CYP4X1: variants seen among roughly 807,000 people sequenced by gnomAD.
CYP4X1 encodes cytochrome P450 4X1.
In CYP4X1, 44 loss-of-function variants were observed where a neutral mutation model predicts 57.9. That is an observed-to-expected ratio of 0.76 (90% CI 0.60 to 0.98). The LOEUF (loss-of-function observed/expected upper bound fraction) is 0.98. Ranked by LOEUF, CYP4X1 falls within the 50% of genes least tolerant of loss-of-function variation. CYP4X1 has a pLI of 0.00. For missense variants in CYP4X1, 532 were observed against 623.9 expected (o/e 0.85, Z 1.57); for synonymous variants, 227 against 228.6 (o/e 0.99, Z 0.06).
At chr1:46,967,022 C>T in the CYP4X1 span, among the ~76,000 whole-genome samples, 26 of 152,276 alleles carry the variant, frequency 1.7e-4, no homozygotes, top group African/African-American at 5.8e-4. Context: ...TACATGTTAA[C>T]TTGGACAGGC....
chr1:46,989,238 A>G, the CYP4X1 span, among the ~76,000 whole-genome samples: 11 of 152,202 alleles, frequency 7.2e-5, no homozygotes, highest in African/African-American at 1.2e-4. Flanking sequence ...AATCACAAGC[A>G]TTCCTACACA....
At chr1:47,019,676 T>C (rs1271188527), upstream of CYP4X1, among the ~76,000 whole-genome samples, 2 of 152,158 alleles carry the variant, frequency 1.3e-5, no homozygotes, top group African/African-American at 4.8e-5. Flanking sequence ...GTCTTACCAC[T>C]ACCTTCCCCA....
At chr1:47,053,220 A>T (rs1644370526), downstream of CYP4X1, among the ~76,000 whole-genome samples, 1 of 152,104 alleles carries the variant, frequency 6.6e-6, no homozygotes, top group African/African-American at 2.4e-5. Flanking sequence ...TTCCAGCTTC[A>T]TCCATGTCCC....
the CYP4X1 span, among the ~76,000 whole-genome samples, chr1:46,982,043 C>T: frequency 2.0e-5 from 3 of 151,998 alleles, no homozygotes; most frequent in South Asian, 2.1e-4. Flanking sequence ...TGACAAGTTA[C>T]TGGGTGCAGC....
chr1:47,042,656 T>C (rs1644259361), intron 8 of CYP4X1, among the ~76,000 whole-genome samples: 1 of 152,206 alleles, frequency 6.6e-6, no homozygotes, highest in East Asian at 1.9e-4. Context: ...ATCATTCTTA[T>C]GCCTTTGCAT....
At chr1:47,041,638 G>A (rs1644247643) in intron 8 of CYP4X1, among the ~76,000 whole-genome samples, 2 of 151,930 alleles carry the variant, frequency 1.3e-5, no homozygotes. Context: ...TTGTTTTCTT[G>A]CTTTTGAATT....
At chr1:47,010,974 T>C in the CYP4X1 span, among the ~76,000 whole-genome samples, 848 of 152,236 alleles carry the variant, frequency 5.6e-3, 6 homozygotes, top group African/African-American at 0.019. Context: ...TGAAAATGGC[T>C]ATACTGCCCA....
chr1:47,000,186 C>T, the CYP4X1 span, among the ~76,000 whole-genome samples: 1 of 152,074 alleles, frequency 6.6e-6, no homozygotes, highest in Non-Finnish European at 1.5e-5. Context: ...AGGTGTTTGG[C>T]AATTCCCTTT....
chr1:47,037,919 T>C (rs1644203160), intron 6 of CYP4X1, among the ~76,000 whole-genome samples: 1 of 152,172 alleles, frequency 6.6e-6, no homozygotes, highest in African/African-American at 2.4e-5. Context: ...TTTAAAAGTT[T>C]ATCTTTTCAA....
the CYP4X1 span, among the ~76,000 whole-genome samples, chr1:47,002,008 C>T: frequency 6.6e-6 from 1 of 152,218 alleles, no homozygotes; most frequent in South Asian, 2.1e-4. Context: ...CCTCTCTAAA[C>T]ATCCAGGCAG....
At chr1:46,994,858 T>G in the CYP4X1 span, among the ~76,000 whole-genome samples, 1 of 152,284 alleles carries the variant, frequency 6.6e-6, no homozygotes, top group East Asian at 1.9e-4. Flanking sequence ...CTTTAGGAAT[T>G]TATAGTCTAA....
chr1:47,051,181 A>T (rs150838703), downstream of CYP4X1, among the ~76,000 whole-genome samples: 1,124 of 152,322 alleles, frequency 7.4e-3, 9 homozygotes, highest in African/African-American at 0.025. Context: ...CCACAATGAG[A>T]TACCATCTCA....
the CYP4X1 span, among the ~76,000 whole-genome samples, chr1:46,984,394 A>C: frequency 5.9e-5 from 9 of 151,638 alleles, no homozygotes; most frequent in Non-Finnish European, 1.0e-4. Context: ...AAAAAAAAAA[A>C]AAAAAAACCA....
At chr1:47,037,821 A>C (rs1049723031) in intron 6 of CYP4X1, among the ~76,000 whole-genome samples, 24 of 152,320 alleles carry the variant, frequency 1.6e-4, no homozygotes, top group African/African-American at 5.5e-4. Context: ...TCAGAGATCT[A>C]AACTCCATTT....
At chr1:47,017,044 T>C in the CYP4X1 span, among the ~76,000 whole-genome samples, 1 of 152,246 alleles carries the variant, frequency 6.6e-6, no homozygotes, top group Non-Finnish European at 1.5e-5. Context: ...CATTCTTTTT[T>C]ATGGCTGAAT....
the CYP4X1 span, among the ~76,000 whole-genome samples, chr1:46,964,470 C>G: frequency 6.6e-6 from 1 of 152,206 alleles, no homozygotes; most frequent in African/African-American, 2.4e-5. Context: ...TCAGGACCCT[C>G]AGCTGCAGGT....
chr1:47,050,237 C>T lies in CYP4X1; in HGVS notation c.*63C>T. 3 of 1,570,772 alleles carry T rather than the reference C, an allele frequency of 1.9e-6. No individual in the cohort carries two copies. The highest frequency in any genetic ancestry group is 2.6e-6 in the Non-Finnish European group (3 of 1,148,606). ...GAAGTTAAATTTACAGCTAATGATC[C>T]AAGCAGATAGAAAGGGATCAATGTA... On this transcript the variant is annotated 3_prime_UTR_variant, in exon 12 of 12. Coordinates refer to ENST00000371901, the MANE Select transcript of CYP4X1 (RefSeq NM_178033.2).
the CYP4X1 span, among the ~76,000 whole-genome samples, chr1:46,982,331 A>G: frequency 6.6e-6 from 1 of 152,182 alleles, no homozygotes; most frequent in African/African-American, 2.4e-5. Flanking sequence ...CCAGGTTTTG[A>G]ATTCCGTGTC....
intron 4 of CYP4X1, among the ~76,000 whole-genome samples, chr1:47,033,903 C>T (rs1644150838): frequency 1.3e-5 from 2 of 152,122 alleles, no homozygotes; most frequent in Admixed American, 6.5e-5. Flanking sequence ...TAAGAACTTG[C>T]CCTAAGGGCA....
Sources: allele counts gnomAD v4.1 joint callset (sites outside exome capture counted in the v4.1 genomes callset), GRCh38; gene constraint gnomAD v4.1.1; transcripts MANE v1.5; gene names NCBI Gene and HGNC (gene_info 2026-07-23, HGNC 2026-07-21).